The following PKD1L3 variants were observed in gnomAD, a reference collection of about 807,000 sequenced individuals.
PKD1L3 encodes polycystin 1 like 3, transient receptor potential channel interacting.
Under a neutral mutation model 184.1 loss-of-function variants are expected in PKD1L3, and 239 were observed. The observed-to-expected ratio is 1.30, with a 90% confidence interval of 1.17 to 1.45. PKD1L3 has a LOEUF of 1.45. Among genes scored for constraint, PKD1L3 ranks in the 40% most tolerant of loss-of-function variants. The pLI, the probability that PKD1L3 is intolerant of heterozygous loss-of-function variation, is 0.00. For missense variants in PKD1L3, 2,660 were observed against 2,067.2 expected, an observed-to-expected ratio of 1.29 and a Z score of -5.56; for synonymous variants, 996 against 778.8, an observed-to-expected ratio of 1.28 and a Z score of -4.64.
chr16:71,946,651 G>T (rs1270157345), intron 22 of PKD1L3, among the ~76,000 whole-genome samples: 1 of 150,618 alleles, frequency 6.6e-6, no homozygotes, highest in African/African-American at 2.5e-5. Context: ...TATGTACTCC[G>T]ACTTTTTCAG....
Position 71,935,447 on chromosome 16 carries a change from GA to G in PKD1L3, c.4523del (p.Ile1508ThrfsTer12). On this transcript the variant is annotated frameshift_variant, in exon 26 of 30. Transcript: ENST00000620267. LOFTEE classifies it high-confidence loss of function. ...GKRNILDTSI[I>X]LISFILLGLD... ...GCCCCAGGAGGATGAAGCTAATGAG[GA>G]TTATACTTGTGTCCAGAATGTTTCT... The G allele has an allele frequency of 6.4e-7, 1 of 1,552,040 alleles. No homozygotes were observed. Among genetic ancestry groups the G allele is most frequent in the Non-Finnish European group, 8.7e-7 (1 of 1,147,028 alleles).
intron 9 of PKD1L3, among the ~76,000 whole-genome samples, chr16:71,979,234 C>G (rs921318183): frequency 3.9e-5 from 6 of 152,000 alleles, no homozygotes; most frequent in African/African-American, 9.7e-5. Context: ...ACTTGAGGTC[C>G]GTAGTTTGAG....
At chr16:71,975,777 T>C (rs12931964) in intron 11 of PKD1L3, among the ~76,000 whole-genome samples, 3 of 152,142 alleles carry the variant, frequency 2.0e-5, no homozygotes, top group Admixed American at 2.0e-4. Context: ...TGTCTACACA[T>C]GTGGTAAAAT....
chr16:71,972,602 T>G (rs2039758142), intron 12 of PKD1L3, among the ~76,000 whole-genome samples: 1 of 150,738 alleles, frequency 6.6e-6, no homozygotes, highest in East Asian at 2.0e-4. Context: ...GCGGATCTTT[T>G]GAGCCCAGGA....
chr16:71,995,750 C>T (rs1434515079), intron 2 of PKD1L3, among the ~76,000 whole-genome samples: 1 of 152,114 alleles, frequency 6.6e-6, no homozygotes, highest in Non-Finnish European at 1.5e-5. Flanking sequence ...GGATAGATTC[C>T]TAGCAGTGGA....
chr16:71,932,483 C>CT (rs35193011), intron 28 of PKD1L3, among the ~76,000 whole-genome samples: 32,649 of 150,202 alleles, frequency 0.22, 3,671 homozygotes, highest in Middle Eastern at 0.26. Flanking sequence ...CATTATGTCA[C>CT]TTTTTTTTTT....
In PKD1L3 at chr16:72,000,328, A is replaced by C. The variant is rs1345430301; in HGVS notation, c.-350T>G. On this transcript the variant is annotated 5_prime_UTR_variant, in exon 1 of 30. It adds an upstream start codon to the 5' untranslated region. Transcript: ENST00000620267. ...ATCTAAGTTAGTGCTGCTAAAAATT[A>C]ATAAGTGTAGCTTTTTCTTTTCTGA... Among the ~76,000 whole-genome samples, 1 of 152,130 alleles carries C rather than the reference A, an allele frequency of 6.6e-6. No homozygotes were observed. The highest frequency in any genetic ancestry group is 1.9e-4 in the East Asian group (1 of 5,194).
intron 27 of PKD1L3, 96 bp from the exon 28 acceptor site, chr16:71,933,617 C>T (rs1284413074): frequency 1.1e-6 from 1 of 937,886 alleles, no homozygotes; most frequent in South Asian, 1.5e-5. Flanking sequence ...AGCAATGGAA[C>T]AGAAATTCCT....
Position 71,999,924 on chromosome 16 carries a change from G to A in PKD1L3, c.55C>T (p.Leu19=), listed in dbSNP as rs764204540. ...GCTGGGCTGTTTAGCTCACTTCCTA[G>A]AATAATACTTGTTCTGATGTATAAC... ...LWLYIRTSII[L]GSELNSPAPH... is the part of the protein sequence containing the mutation. The change falls in exon 1 of 30, where the codon CTA becomes TTA. Residue 19 remains leucine, a synonymous_variant. Transcript: ENST00000620267. 1.3e-6 allele frequency: 2 copies of A among 1,550,316 alleles called. No homozygotes were observed. Among genetic ancestry groups the A allele is most frequent in the Non-Finnish European group, 1.7e-6 (2 of 1,145,876 alleles).
rs879148515 is a variant in PKD1L3 at position 71,990,280 on chromosome 16, A to C, written c.585T>G (p.Leu195=). 4.5e-6 allele frequency: 7 copies of C among 1,545,188 alleles called. No homozygotes were observed. The South Asian group carries it at 7.1e-5, about 16-fold the overall frequency. The part of the protein sequence containing the change: ...TTCHYPLPAH[L]SKTLCHPISQ... ...GTATGTTGTCAAGGGAAGCACTTAC[A>C]AGATGAGCAGGAAGAGGATAGTGAC... The change falls in exon 4 of 30, where the codon CTT becomes CTG. Residue 195 remains leucine (L), a splice_region_variant and synonymous_variant. Transcript: ENST00000620267.
intron 4 of PKD1L3, among the ~76,000 whole-genome samples, chr16:71,988,119 T>C (rs1200939380): frequency 1.3e-5 from 2 of 152,148 alleles, no homozygotes; most frequent in Non-Finnish European, 2.9e-5. Context: ...TGATCAACCA[T>C]TCTGTTGAGA....
intron 21 of PKD1L3, 33 bp from the exon 22 acceptor site, chr16:71,947,624 G>A (rs1414107054): frequency 7.3e-7 from 1 of 1,365,182 alleles, no homozygotes; most frequent in East Asian, 2.5e-5. Flanking sequence ...ATCGTGAGCA[G>A]ACATTACAGA....
intron 2 of PKD1L3, among the ~76,000 whole-genome samples, chr16:71,997,415 C>G (rs942748216): frequency 8.6e-5 from 13 of 151,094 alleles, no homozygotes; most frequent in Admixed American, 4.6e-4. Flanking sequence ...AACAAGACCC[C>G]CCCCCCCACA....
intron 16 of PKD1L3, among the ~76,000 whole-genome samples, chr16:71,955,038 G>A (rs1234144735): frequency 6.7e-6 from 1 of 150,302 alleles, no homozygotes; most frequent in Non-Finnish European, 1.5e-5. Context: ...TAGTAAGGAG[G>A]TGAGAAAAAA....
chr16:71,956,848 GTGTAAACA>G (rs2039069248), intron 16 of PKD1L3, among the ~76,000 whole-genome samples: 1 of 152,176 alleles, frequency 6.6e-6, no homozygotes. Context: ...TGTAAAAACA[GTGTAAACA>G]TACACATAAA....
At chr16:71,999,316 T>C (rs999218143) in intron 1 of PKD1L3, among the ~76,000 whole-genome samples, 1 of 148,114 alleles carries the variant, frequency 6.8e-6, no homozygotes, top group Non-Finnish European at 1.5e-5. Context: ...AGAAAGACAA[T>C]AGGTAGATAC....
rs1420194906 is a variant in PKD1L3 at position 71,969,929 on chromosome 16, A to G, written c.2130T>C (p.Phe710=). The change falls in exon 13 of 30, where the codon TTT becomes TTC. Residue 710 remains phenylalanine (F), a synonymous_variant. Coordinates refer to ENST00000620267, the MANE Select transcript of PKD1L3 (RefSeq NM_181536.2). ...GAGCCCACACAACTGTGATCACATAAAATCCTAAAAGGCTGGCCAGCAGTG... is the reference window on the plus strand; with the variant it reads ...GAGCCCACACAACTGTGATCACATAGAATCCTAAAAGGCTGGCCAGCAGTG... ...GVSLLASLLG[F]YVITVVWARK... 5.2e-6 allele frequency: 8 copies of G among 1,551,892 alleles called. No individual in the cohort carries two copies. Among genetic ancestry groups the G allele is most frequent in the Non-Finnish European group, 8.7e-7 (1 of 1,147,084 alleles).
intron 4 of PKD1L3, among the ~76,000 whole-genome samples, chr16:71,990,074 G>A (rs1380637210): frequency 8.3e-6 from 1 of 120,458 alleles, no homozygotes; most frequent in African/African-American, 3.5e-5. Flanking sequence ...GTGAGACCCT[G>A]TCTCTCCCAC....
intron 4 of PKD1L3, among the ~76,000 whole-genome samples, chr16:71,987,051 A>AG (rs1196805920): frequency 3.4e-5 from 5 of 147,758 alleles, no homozygotes; most frequent in Non-Finnish European, 7.4e-5. Flanking sequence ...CAGCCTCCTC[A>AG]GTAGCTGGGA....
Sources: allele counts gnomAD v4.1 joint callset (sites outside exome capture counted in the v4.1 genomes callset), GRCh38; gene constraint gnomAD v4.1.1; transcripts MANE v1.5; gene names NCBI Gene and HGNC (gene_info 2026-07-23, HGNC 2026-07-21).